Variants in PCDHGA2 observed in about 807,000 individuals in gnomAD.
The protein encoded by PCDHGA2 is protocadherin gamma subfamily A, 2, also known as protocadherin gamma-A2.
A neutral mutation model predicts 59.2 loss-of-function variants in PCDHGA2; 40 were observed. That is an observed-to-expected ratio of 0.68 (90% CI 0.52 to 0.88). The LOEUF (loss-of-function observed/expected upper bound fraction) is 0.88, where lower values mean the gene tolerates loss of function less well. Ranked by LOEUF, PCDHGA2 falls within the 40% of genes least tolerant of loss-of-function variation. PCDHGA2 has a pLI of 0.00. For synonymous variants in PCDHGA2, 560 were observed against 526.0 expected (o/e 1.06, Z -0.89); for missense variants, 1,226 against 1,204.0 (o/e 1.02, Z -0.27).
chr5:141,367,386 A>T (rs549241556), intron 1 of PCDHGA2: 1 of 152,182 alleles, frequency 6.6e-6, no homozygotes, highest in South Asian at 2.1e-4. Flanking sequence ...AAATACAAAA[A>T]ATTAGCCGGG....
chr5:141,364,378 C>T (rs1453338344), intron 1 of PCDHGA2: 2 of 1,578,948 alleles, frequency 1.3e-6, no homozygotes, highest in Admixed American at 1.9e-5. Context: ...TGCTGCTGCC[C>T]TTCATGCTCC....
chr5:141,465,056 G>A (rs908104635), intron 1 of PCDHGA2, among the ~76,000 whole-genome samples: 9 of 151,044 alleles, frequency 6.0e-5, no homozygotes, highest in Non-Finnish European at 1.3e-4. Context: ...ATATTTTTTT[G>A]AATTGTCTGT....
Position 141,436,609 on chromosome 5 carries a change from A to G in PCDHGA2, c.2425-58198A>G, listed in dbSNP as rs182981534. On this transcript the variant is annotated intron_variant, in intron 1 of 3. Coordinates refer to ENST00000394576, the MANE Select transcript of PCDHGA2 (RefSeq NM_018915.4). ...AAAGGTCGTGGTGATGGCTAGGGCT[A>G]ACAAAAATCTGATTCACAACATGCA... Among the ~76,000 whole-genome samples, 5 of 152,334 alleles carry G rather than the reference A, an allele frequency of 3.3e-5. No homozygotes were observed. The East Asian group carries it at 5.8e-4, about 18-fold the overall frequency.
intron 1 of PCDHGA2, chr5:141,409,079 T>C (rs2095221320): frequency 2.5e-6 from 4 of 1,613,908 alleles, no homozygotes; most frequent in Non-Finnish European, 3.4e-6. Context: ...ACATATGTTC[T>C]CATTGGATGA....
chr5:141,444,467 G>A (rs1288596542), intron 1 of PCDHGA2, among the ~76,000 whole-genome samples: 3 of 151,998 alleles, frequency 2.0e-5, no homozygotes, highest in African/African-American at 4.8e-5. Flanking sequence ...CACTGCGCCC[G>A]GTCGCGTACT....
intron 2 of PCDHGA2, among the ~76,000 whole-genome samples, chr5:141,497,920 C>T (rs548251626): frequency 6.6e-6 from 1 of 152,336 alleles, no homozygotes; most frequent in East Asian, 1.9e-4. Flanking sequence ...CTCCTTCATT[C>T]ATTCAACAAA....
In PCDHGA2 at chr5:141,339,764, A is replaced by G. The variant is rs138877576; in HGVS notation, c.793A>G (p.Thr265Ala). The change falls in exon 1 of 4, where the codon ACC (threonine) becomes GCC (alanine). Residue 265 changes from threonine (T) to alanine (A), a missense_variant. Physicochemically the swap from Thr to Ala is moderately conservative, Grantham distance 58. Transcript: ENST00000394576. ...CGTGGGCACCCGGATACTCACGGTG[A>G]CCGCCACTGACGCAGATGAGGGCTA... ...TLVGTRILTV[T>A]ATDADEGYYA... 1.1e-4 allele frequency: 174 copies of G among 1,614,152 alleles called. No individual in the cohort carries two copies. In the Middle Eastern group the frequency reaches 1.5e-3, roughly 14 times the overall value.
At chr5:141,426,678 T>C (rs2096951425) in intron 1 of PCDHGA2, 2 of 431,490 alleles carry the variant, frequency 4.6e-6, no homozygotes, top group Admixed American at 5.1e-5. Flanking sequence ...CCCACCTCAT[T>C]TTCCCCAAAA....
intron 1 of PCDHGA2, chr5:141,399,141 C>G: frequency 6.2e-7 from 1 of 1,613,778 alleles, no homozygotes; most frequent in Non-Finnish European, 8.5e-7. Flanking sequence ...ATGAAAATGA[C>G]AATAGCCCAG....
chr5:141,455,961 G>C (rs1447678052), intron 1 of PCDHGA2, among the ~76,000 whole-genome samples: 1 of 150,954 alleles, frequency 6.6e-6, no homozygotes, highest in African/African-American at 2.4e-5. Context: ...GCAGTGGCGC[G>C]ATCTCAGCTC....
Position 141,387,738 on chromosome 5 carries a change from A to G in PCDHGA2, c.2424+46343A>G, listed in dbSNP as rs972177545. On this transcript the variant is annotated intron_variant, in intron 1 of 3. Transcript: ENST00000394576. ...CAGACTCCCCAGCGCCAGCCTTTAC[A>G]CCGCTTCCTCCTCGGAAAAAGAAGA... 7 of 1,322,274 alleles carry G rather than the reference A, an allele frequency of 5.3e-6. No individual in the cohort carries two copies. The Admixed American group carries it at 1.1e-4, about 21-fold the overall frequency. 81.9% of individuals were successfully genotyped at this position (1,322,274 alleles called of 1,614,324 possible).
chr5:141,418,080 A>T (rs1590086455), intron 1 of PCDHGA2: 1 of 1,614,046 alleles, frequency 6.2e-7, no homozygotes, highest in East Asian at 2.2e-5. Flanking sequence ...GAGAAGCTGC[A>T]CTTCAGCGTA....
At chr5:141,368,517 C>T (rs2149927264) in intron 1 of PCDHGA2, among the ~76,000 whole-genome samples, 1 of 152,138 alleles carries the variant, frequency 6.6e-6, no homozygotes, top group East Asian at 1.9e-4. Flanking sequence ...ATTATTCACT[C>T]CTATGTGAAA....
intron 1 of PCDHGA2, among the ~76,000 whole-genome samples, chr5:141,386,303 T>G (rs938709302): frequency 6.6e-6 from 1 of 152,202 alleles, no homozygotes; most frequent in Non-Finnish European, 1.5e-5. Context: ...TTAGTAAAGC[T>G]CAGTATATCA....
At chr5:141,475,980 C>T (rs758066578) in intron 1 of PCDHGA2, 45 of 1,028,498 alleles carry the variant, frequency 4.4e-5, no homozygotes, top group Non-Finnish European at 6.2e-5. Flanking sequence ...ACTGAACAGC[C>T]GGCGAGCAAA....
intron 1 of PCDHGA2, chr5:141,389,169 C>G: frequency 6.2e-7 from 1 of 1,614,028 alleles, no homozygotes; most frequent in African/African-American, 1.3e-5. Flanking sequence ...GGGCAAGCCT[C>G]CCCTCTCCTC....
In PCDHGA2 at chr5:141,485,935, C is replaced by T. The variant is rs2099621642; in HGVS notation, c.2425-8872C>T. The T allele has an allele frequency of 6.2e-7, 1 of 1,614,026 alleles. No homozygotes were observed. Among genetic ancestry groups the T allele is most frequent in the Non-Finnish European group, 8.5e-7 (1 of 1,180,038 alleles). On this transcript the variant is annotated intron_variant, in intron 1 of 3. Coordinates refer to ENST00000394576, the MANE Select transcript of PCDHGA2 (RefSeq NM_018915.4). The surrounding 1 kb of genome is among the most constrained non-coding windows in gnomAD (Gnocchi z 5.7). Reference sequence around the variant, plus strand: ...GCTACAGGATTAGTGTGTTGGAGAGCGCACCAGCGGGCATGGTGCTCATCC... The same window carrying T: ...GCTACAGGATTAGTGTGTTGGAGAGTGCACCAGCGGGCATGGTGCTCATCC...
At chr5:141,429,571 A>G (rs1221285032) in intron 1 of PCDHGA2, among the ~76,000 whole-genome samples, 2 of 152,156 alleles carry the variant, frequency 1.3e-5, no homozygotes, top group Non-Finnish European at 2.9e-5. Flanking sequence ...ATTCAGTTAC[A>G]TTTACTTTTG....
At chr5:141,403,054 A>C in intron 1 of PCDHGA2, 1 of 1,614,062 alleles carries the variant, frequency 6.2e-7, no homozygotes, top group Middle Eastern at 1.6e-4. Flanking sequence ...TTCGCTACTC[A>C]GTGCCTGAAG....
Sources: allele counts gnomAD v4.1 joint callset (sites outside exome capture counted in the v4.1 genomes callset), GRCh38; gene constraint gnomAD v4.1.1; non-coding constraint Gnocchi (gnomAD v3.1); transcripts MANE v1.5; gene names NCBI Gene and HGNC (gene_info 2026-07-23, HGNC 2026-07-21).